SLC28A3: variants seen among roughly 807,000 people sequenced by gnomAD.
SLC28A3 encodes the protein concentrative Na(+)-nucleoside cotransporter 3.
In SLC28A3, 68 loss-of-function variants were observed where a neutral mutation model predicts 84.2. The ratio of observed to expected loss-of-function variants is 0.81; its 90% CI spans 0.66 to 0.99. SLC28A3 has a LOEUF of 0.99. Ranked by LOEUF, SLC28A3 falls within the 50% of genes least tolerant of loss-of-function variation. SLC28A3 has a pLI of 0.00. For missense variants in SLC28A3, 712 were observed against 841.5 expected, an observed-to-expected ratio of 0.85 and a Z score of 1.90; for synonymous variants, 267 against 303.6, an observed-to-expected ratio of 0.88 and a Z score of 1.25.
At chr9:84,278,948 A>G (rs561206255) in intron 17 of SLC28A3, among the ~76,000 whole-genome samples, 1 of 149,966 alleles carries the variant, frequency 6.7e-6, no homozygotes, top group African/African-American at 2.5e-5. Context: ...TAATTCATAC[A>G]AAGTGCGTAA....
intron 12 of SLC28A3, among the ~76,000 whole-genome samples, chr9:84,287,002 G>A (rs1056593522): frequency 6.6e-6 from 1 of 152,118 alleles, no homozygotes; most frequent in African/African-American, 2.4e-5. Flanking sequence ...CCAGGAGTTT[G>A]AGACCAGTCT....
chr9:84,309,194 G>A (rs1217248831), intron 3 of SLC28A3, among the ~76,000 whole-genome samples: 4 of 151,988 alleles, frequency 2.6e-5, no homozygotes, highest in African/African-American at 7.3e-5. Flanking sequence ...TGGATGGGTG[G>A]TGACAATCTC....
At chr9:84,284,108 C>G (rs1439990487) in intron 14 of SLC28A3, among the ~76,000 whole-genome samples, 1 of 152,178 alleles carries the variant, frequency 6.6e-6, no homozygotes, top group Non-Finnish European at 1.5e-5. Context: ...GAACGCAGAG[C>G]CCGGTTTGCT....
At chr9:84,319,865 G>A (rs1588610990) in intron 1 of SLC28A3, among the ~76,000 whole-genome samples, 1 of 151,894 alleles carries the variant, frequency 6.6e-6, no homozygotes, top group South Asian at 2.1e-4. Context: ...CAGCCATGGT[G>A]CTGTGCTTTC....
the SLC28A3 span, among the ~76,000 whole-genome samples, chr9:84,367,482 C>T: frequency 0.087 from 13,224 of 152,200 alleles, 713 homozygotes; most frequent in East Asian, 0.17. Flanking sequence ...GGGTGTTTCT[C>T]GTCAGGTGGA....
intron 2 of SLC28A3, chr9:84,310,459 T>C: frequency 1.0e-6 from 1 of 985,410 alleles, no homozygotes; most frequent in Non-Finnish European, 1.2e-6. Flanking sequence ...CTGGCTCTTG[T>C]AACCAATGGT....
At chr9:84,337,446 G>GCGCGCA (rs1429895320) in intron 1 of SLC28A3, among the ~76,000 whole-genome samples, 34 of 152,078 alleles carry the variant, frequency 2.2e-4, no homozygotes, top group African/African-American at 8.0e-4. Context: ...GTGTGTGCGC[G>GCGCGCA]CGCGTGTGTG....
chr9:84,334,275 G>C (rs1453087778), intron 1 of SLC28A3, among the ~76,000 whole-genome samples: 3 of 152,130 alleles, frequency 2.0e-5, no homozygotes, highest in Non-Finnish European at 4.4e-5. Flanking sequence ...CTCTAGCCTG[G>C]GCAACAGAGC....
chr9:84,300,232 C>T (rs975282903), intron 5 of SLC28A3, among the ~76,000 whole-genome samples: 3 of 152,158 alleles, frequency 2.0e-5, no homozygotes, highest in African/African-American at 7.2e-5. Flanking sequence ...TACTGGGTCT[C>T]CTTACTCTAC....
Position 84,340,649 on chromosome 9 carries a change from G to A in SLC28A3, c.-16C>T, listed in dbSNP as rs1339293438. ...TCAGCTCCATGCTCTTTTTGCTGCT[G>A]GCTGGCTCTGGTCTGGAGGTCCTTT... On this transcript the variant is annotated 5_prime_UTR_variant, in exon 1 of 18. Coordinates refer to ENST00000376238, the MANE Select transcript of SLC28A3 (RefSeq NM_001199633.2). 7.4e-6 allele frequency: 12 copies of A among 1,613,966 alleles called. No individual in the cohort carries two copies. Among genetic ancestry groups the A allele is most frequent in the South Asian group, 1.1e-5 (1 of 91,082 alleles).
chr9:84,313,006 A>G (rs897197071), intron 2 of SLC28A3, among the ~76,000 whole-genome samples: 6 of 152,172 alleles, frequency 3.9e-5, no homozygotes, highest in African/African-American at 1.4e-4. Flanking sequence ...TGCATGATGG[A>G]CCCAGATTCA....
chr9:84,290,471 C>G (rs1825169772), intron 10 of SLC28A3, among the ~76,000 whole-genome samples, 192 bp from the exon 11 acceptor site: 1 of 152,152 alleles, frequency 6.6e-6, no homozygotes, highest in Non-Finnish European at 1.5e-5. Flanking sequence ...ATTAGAAACT[C>G]CAAGGGTGGG....
At chr9:84,317,000 CAA>C in intron 1 of SLC28A3, among the ~76,000 whole-genome samples, 1 of 107,008 alleles carries the variant, frequency 9.3e-6, no homozygotes, top group East Asian at 2.9e-4. Flanking sequence ...GACTCCGTCT[CAA>C]AACAACAACA....
intron 16 of SLC28A3, 137 bp downstream of exon 16, chr9:84,279,838 C>T (rs1824669565): frequency 2.7e-6 from 2 of 748,496 alleles, no homozygotes; most frequent in Non-Finnish European, 4.3e-6. Context: ...TTTAACTTTA[C>T]AGTATGCTTA....
chr9:84,342,892 A>G (rs7871387), upstream of SLC28A3, among the ~76,000 whole-genome samples: 49,946 of 152,012 alleles, frequency 0.33, 11,415 homozygotes, highest in African/African-American at 0.65. Flanking sequence ...GGCCAGGCAC[A>G]GTGGCTCCCG....
chr9:84,365,560 C>T, the SLC28A3 span, among the ~76,000 whole-genome samples: 2 of 152,050 alleles, frequency 1.3e-5, no homozygotes, highest in Non-Finnish European at 2.9e-5. Context: ...GGGTATTTCT[C>T]AAGAAATTTT....
chr9:84,292,679 A>C lies in SLC28A3; in HGVS notation c.1012T>G (p.Phe338Val). 6.2e-7 allele frequency: 1 copy of C among 1,609,628 alleles called. No homozygotes were observed. The highest frequency in any genetic ancestry group is 1.3e-5 in the African/African-American group (1 of 74,840). The change falls in exon 10 of 18, where the codon TTT becomes GTT. Residue 338 changes from phenylalanine to valine, a missense_variant. Transcript: ENST00000376238. Reference protein sequence around the residue: ...IESVVASGNIFVGQTESPLLV... With the variant: ...IESVVASGNIVVGQTESPLLV... The stretch of plus-strand genomic sequence containing the variant: ...ATATTACAACTTACTTGTCCAACAA[A>C]TATATTGCCAGAAGCAACTACAGAT...
chr9:84,305,465 G>C, intron 3 of SLC28A3, 120 bp from the exon 4 acceptor site: 1 of 784,116 alleles, frequency 1.3e-6, no homozygotes, highest in Non-Finnish European at 2.1e-6. Flanking sequence ...TGTGTGAGGC[G>C]TATGTCTTAC....
intron 3 of SLC28A3, among the ~76,000 whole-genome samples, chr9:84,306,135 C>G (rs1425895958): frequency 6.6e-6 from 1 of 152,128 alleles, no homozygotes; most frequent in African/African-American, 2.4e-5. Context: ...TGTGATGCCT[C>G]TTTCTTTGGA....
Sources: allele counts gnomAD v4.1 joint callset (sites outside exome capture counted in the v4.1 genomes callset), GRCh38; gene constraint gnomAD v4.1.1; transcripts MANE v1.5; gene names NCBI Gene and HGNC (gene_info 2026-07-23, HGNC 2026-07-21).